MARCHF1: variants seen among roughly 807,000 people sequenced by gnomAD.
MARCHF1 encodes E3 ubiquitin-protein ligase MARCHF1.
A neutral mutation model predicts 54.2 loss-of-function variants in MARCHF1; 40 were observed. The ratio of observed to expected loss-of-function variants is 0.74; its 90% CI spans 0.57 to 0.96. The LOEUF is 0.96. Among genes scored for constraint, MARCHF1 ranks in the 40% least tolerant of loss-of-function variants. The probability of loss-of-function intolerance (pLI) is 0.00; values close to 1 mark genes in which losing one functional copy is unlikely to be tolerated. For missense variants in MARCHF1, 586 were observed against 656.5 expected, an observed-to-expected ratio of 0.89 and a Z score of 1.17; for synonymous variants, 236 against 236.3, an observed-to-expected ratio of 1.00 and a Z score of 0.01.
At chr4:164,343,680 C>T (rs746466587) in intron 1 of MARCHF1, among the ~76,000 whole-genome samples, 2 of 152,020 alleles carry the variant, frequency 1.3e-5, no homozygotes, top group Non-Finnish European at 2.9e-5. Flanking sequence ...AATGAGATAC[C>T]ATCTCTCACC....
chr4:163,712,533 C>G (rs1396620959), intron 4 of MARCHF1, among the ~76,000 whole-genome samples: 1 of 152,176 alleles, frequency 6.6e-6, no homozygotes, highest in East Asian at 1.9e-4. Flanking sequence ...GTCGTTACTT[C>G]AAACCTTTTT....
At chr4:164,156,966 C>T (rs973860970) in intron 1 of MARCHF1, among the ~76,000 whole-genome samples, 1 of 152,180 alleles carries the variant, frequency 6.6e-6, no homozygotes, top group Non-Finnish European at 1.5e-5. Context: ...AACTTGATTA[C>T]ATTCTGCACC....
chr4:163,793,520 G>C (rs534593682), intron 4 of MARCHF1, among the ~76,000 whole-genome samples: 52 of 152,200 alleles, frequency 3.4e-4, no homozygotes, highest in Non-Finnish European at 5.6e-4. Flanking sequence ...AAAGAAGCGG[G>C]TACAAAGTGT....
At chr4:164,344,415 C>T (rs1730016434) in intron 1 of MARCHF1, among the ~76,000 whole-genome samples, 1 of 151,770 alleles carries the variant, frequency 6.6e-6, no homozygotes, top group Non-Finnish European at 1.5e-5. Context: ...TCAGTATTTC[C>T]TTCAGAAAAT....
intron 5 of MARCHF1, among the ~76,000 whole-genome samples, chr4:163,634,563 T>C (rs751270326): frequency 2.0e-5 from 3 of 152,030 alleles, no homozygotes; most frequent in Non-Finnish European, 2.9e-5. Context: ...TAAATATATA[T>C]GCACCCAATA....
intron 2 of MARCHF1, among the ~76,000 whole-genome samples, chr4:164,053,618 G>A (rs1754420868): frequency 1.3e-5 from 2 of 152,060 alleles, no homozygotes; most frequent in South Asian, 2.1e-4. Flanking sequence ...CAGTTCAAGT[G>A]CCTCATCAAC....
intron 5 of MARCHF1, among the ~76,000 whole-genome samples, chr4:163,672,104 G>T (rs1042219592): frequency 6.6e-6 from 1 of 152,120 alleles, no homozygotes; most frequent in East Asian, 1.9e-4. Flanking sequence ...AGTTTCAAAT[G>T]TGTCACACTA....
intron 1 of MARCHF1, among the ~76,000 whole-genome samples, chr4:164,218,394 T>A (rs74467301): frequency 6.6e-6 from 1 of 151,830 alleles, no homozygotes; most frequent in Non-Finnish European, 1.5e-5. Context: ...GTTGCATTAA[T>A]GAGGTTAGAG....
intron 1 of MARCHF1, among the ~76,000 whole-genome samples, chr4:164,152,293 A>T (rs1729963868): frequency 1.3e-5 from 2 of 152,126 alleles, no homozygotes; most frequent in African/African-American, 4.8e-5. Context: ...TTTAAAATAT[A>T]TATTGTATTT....
intron 1 of MARCHF1, among the ~76,000 whole-genome samples, chr4:164,274,659 CTTTT>C (rs70952617): frequency 0.17 from 7,535 of 44,556 alleles, 1,673 homozygotes; most frequent in Admixed American, 0.29. Flanking sequence ...TCAGGGTACA[CTTTT>C]TTTTTTTTTT....
intron 4 of MARCHF1, among the ~76,000 whole-genome samples, chr4:163,749,071 C>T (rs901958241): frequency 2.6e-5 from 4 of 151,942 alleles, no homozygotes; most frequent in African/African-American, 9.7e-5. Flanking sequence ...TTATTTAAAT[C>T]TTTTTTTCCC....
intron 4 of MARCHF1, among the ~76,000 whole-genome samples, chr4:163,749,961 C>T (rs1746472038): frequency 6.6e-6 from 1 of 151,718 alleles, no homozygotes; most frequent in Admixed American, 6.6e-5. Context: ...CCCAGCTAAT[C>T]AGGAGGCTGA....
intron 4 of MARCHF1, among the ~76,000 whole-genome samples, chr4:163,719,475 C>G (rs575467013): frequency 9.2e-5 from 14 of 152,156 alleles, no homozygotes; most frequent in African/African-American, 1.9e-4. Context: ...ATTGTGAATA[C>G]TGCCGCAATA....
At chr4:164,143,889 A>G (rs1220626654) in intron 1 of MARCHF1, among the ~76,000 whole-genome samples, 1 of 152,228 alleles carries the variant, frequency 6.6e-6, no homozygotes, top group Non-Finnish European at 1.5e-5. Context: ...AATTGGATAA[A>G]GAGTCAAGAC....
At chr4:164,324,234 C>T (rs931117989) in intron 1 of MARCHF1, among the ~76,000 whole-genome samples, 1 of 151,804 alleles carries the variant, frequency 6.6e-6, no homozygotes, top group Non-Finnish European at 1.5e-5. Context: ...ACATTTCATA[C>T]ATTCCTAAAG....
chr4:164,123,052 T>C (rs1756104911), intron 1 of MARCHF1, among the ~76,000 whole-genome samples: 2 of 152,132 alleles, frequency 1.3e-5, no homozygotes, highest in Admixed American at 6.6e-5. Flanking sequence ...GATCTTATAT[T>C]TGGGAAAACC....
At chr4:164,189,674 T>C (rs879094029) in intron 1 of MARCHF1, 3 of 953,114 alleles carry the variant, frequency 3.1e-6, no homozygotes, top group Non-Finnish European at 5.2e-6. Flanking sequence ...GGTGTCATGA[T>C]CAAACTGATT....
intron 4 of MARCHF1, among the ~76,000 whole-genome samples, chr4:163,745,730 A>G (rs1746339124): frequency 6.6e-6 from 1 of 152,210 alleles, no homozygotes; most frequent in Non-Finnish European, 1.5e-5. Context: ...AGCATCCTGC[A>G]TGGATGGCAC....
intron 2 of MARCHF1, among the ~76,000 whole-genome samples, chr4:164,027,392 A>AAAAAAAAAAAAAAAAAG (rs1553971149): frequency 1.7e-5 from 1 of 58,982 alleles, no homozygotes; most frequent in Non-Finnish European, 3.3e-5. Context: ...AAAAAAAAAA[A>AAAAAAAAAAAAAAAAAG]AGATACATAG....
Sources: allele counts gnomAD v4.1 joint callset (sites outside exome capture counted in the v4.1 genomes callset), GRCh38; gene constraint gnomAD v4.1.1; transcripts MANE v1.5; gene names NCBI Gene and HGNC (gene_info 2026-07-23, HGNC 2026-07-21).